SMOC2: variants seen among roughly 807,000 people sequenced by gnomAD.
The protein encoded by SMOC2 is SPARC-related modular calcium-binding protein 2.
Under a neutral mutation model 61.4 loss-of-function variants are expected in SMOC2, and 39 were observed. The observed-to-expected ratio is 0.64, with a 90% CI of 0.49 to 0.83. SMOC2 has a LOEUF of 0.83. Among genes scored for constraint, SMOC2 ranks in the 40% least tolerant of loss-of-function variants. The pLI is 0.00. For synonymous variants in SMOC2, 247 were observed against 239.9 expected, an observed-to-expected ratio of 1.03 and a Z score of -0.27; for missense variants, 556 against 592.9, an observed-to-expected ratio of 0.94 and a Z score of 0.65.
intron 4 of SMOC2, among the ~76,000 whole-genome samples, chr6:168,528,290 T>G (rs1583082889): frequency 7.4e-6 from 1 of 135,126 alleles, no homozygotes; most frequent in Non-Finnish European, 1.6e-5. Context: ...TTGCCAATAG[T>G]GCTGTAAATG....
chr6:168,484,296 T>A (rs541023693), intron 1 of SMOC2, among the ~76,000 whole-genome samples: 7,346 of 151,864 alleles, frequency 0.048, 229 homozygotes, highest in South Asian at 0.16. Flanking sequence ...ACATTTTTTT[T>A]AAAAAAAAGA....
chr6:168,611,466 A>T (rs369113330), intron 9 of SMOC2, among the ~76,000 whole-genome samples: 4 of 100,680 alleles, frequency 4.0e-5, no homozygotes, highest in Admixed American at 1.0e-4. Context: ...CTGGCCCTGC[A>T]CTGGTTCTCA....
intron 9 of SMOC2, among the ~76,000 whole-genome samples, chr6:168,625,798 C>T (rs1330936819): frequency 6.6e-6 from 1 of 152,200 alleles, no homozygotes; most frequent in Non-Finnish European, 1.5e-5. Context: ...GCAGGGCAGC[C>T]GCTCCAGCTC....
intron 7 of SMOC2, among the ~76,000 whole-genome samples, chr6:168,576,376 C>T (rs1401529220): frequency 6.6e-6 from 1 of 152,096 alleles, no homozygotes. Flanking sequence ...TTGCACTAAG[C>T]ACGTTGTGAT....
chr6:168,510,367 CA>C (rs1782977953), intron 2 of SMOC2, among the ~76,000 whole-genome samples: 1 of 152,134 alleles, frequency 6.6e-6, no homozygotes, highest in African/African-American at 2.4e-5. Flanking sequence ...AAATTATTCT[CA>C]ATAAGATTTC....
chr6:168,647,519 C>T (rs145589460), intron 9 of SMOC2, among the ~76,000 whole-genome samples: 5 of 152,308 alleles, frequency 3.3e-5, no homozygotes, highest in South Asian at 2.1e-4. Context: ...CAGCCATCAC[C>T]GTGCCGGACA....
At chr6:168,549,975 C>T (rs1784092983) in intron 7 of SMOC2, among the ~76,000 whole-genome samples, 1 of 152,162 alleles carries the variant, frequency 6.6e-6, no homozygotes, top group African/African-American at 2.4e-5. Flanking sequence ...TTTGAGAGAA[C>T]TTTCACCTTT....
chr6:168,465,747 G>A (rs1781816241), intron 1 of SMOC2, among the ~76,000 whole-genome samples: 2 of 149,666 alleles, frequency 1.3e-5, no homozygotes, highest in African/African-American at 4.9e-5. Flanking sequence ...CTGGAACTGG[G>A]GGGCTCTGGA....
chr6:168,499,467 G>A (rs917394331), intron 1 of SMOC2, among the ~76,000 whole-genome samples: 2 of 152,198 alleles, frequency 1.3e-5, no homozygotes, highest in African/African-American at 4.8e-5. Flanking sequence ...TTTGTGCGTT[G>A]CAGCCCAGAG....
At position 168,520,416 on chromosome 6, in the gene SMOC2, C is replaced by T. The variant is rs899829177; in HGVS notation, c.257-5930C>T. On this transcript the variant is annotated intron_variant, in intron 2 of 12. Coordinates refer to ENST00000356284, the MANE Select transcript of SMOC2 (RefSeq NM_001166412.2). ...GTCCTCTGCCTGGCTGCCATTTGCT[C>T]GTTCAGCCCGTGGCATTCCCACACC... Among the ~76,000 whole-genome samples the T allele has an allele frequency of 4.6e-5, 7 of 152,194 alleles. No homozygotes were observed. The South Asian group carries it at 1.0e-3, about 23-fold the overall frequency.
chr6:168,452,080 T>G lies in SMOC2; in HGVS notation c.84+10626T>G, dbSNP rs1290069639. Among the ~76,000 whole-genome samples, 1 of 152,122 alleles carries G rather than the reference T, an allele frequency of 6.6e-6. No homozygotes were observed. Among genetic ancestry groups the G allele is most frequent in the Non-Finnish European group, 1.5e-5 (1 of 68,020 alleles). On this transcript the variant is annotated intron_variant, in intron 1 of 12. Transcript: ENST00000356284. This position sits in a 1 kb window ranked among gnomAD's most constrained non-coding sequence, Gnocchi z 5.0. ...TTTAGGGGAGGGTCGCATGGTGGGG[T>G]CTGGGGTTACCACCACCAGCAAAGT...
chr6:168,444,969 T>G lies in SMOC2; in HGVS notation c.84+3515T>G, dbSNP rs143655120. Among the ~76,000 whole-genome samples, 521 of 152,318 alleles carry G rather than the reference T, an allele frequency of 3.4e-3. 6 individuals carry two copies. Among genetic ancestry groups the G allele is most frequent in the Middle Eastern group, 0.01 (3 of 294 alleles). On this transcript the variant is annotated intron_variant, in intron 1 of 12. Coordinates refer to ENST00000356284, the MANE Select transcript of SMOC2 (RefSeq NM_001166412.2). Reference sequence around the variant, plus strand: ...TGACTAAATCATATTTTGCTCACACTTAGAATGTTGAAGTCACATTACCAT... The same window carrying G: ...TGACTAAATCATATTTTGCTCACACGTAGAATGTTGAAGTCACATTACCAT...
At chr6:168,652,808 G>A (rs571273200) in intron 10 of SMOC2, 146 bp from the exon 11 acceptor site, 360 of 642,736 alleles carry the variant, frequency 5.6e-4, no homozygotes, top group Middle Eastern at 1.7e-3. Flanking sequence ...TCTTTAAATT[G>A]TTATATCTGA....
intron 1 of SMOC2, among the ~76,000 whole-genome samples, chr6:168,455,112 A>G (rs905932960): frequency 6.6e-6 from 1 of 152,042 alleles, no homozygotes. Context: ...ACGGGCTGCC[A>G]TGAAGGGCCT....
At chr6:168,583,156 A>G (rs907147956) in intron 7 of SMOC2, among the ~76,000 whole-genome samples, 8 of 152,256 alleles carry the variant, frequency 5.3e-5, no homozygotes, top group Non-Finnish European at 7.3e-5. Flanking sequence ...TTCAAAAAAT[A>G]CAGGTGGAAG....
intron 9 of SMOC2, among the ~76,000 whole-genome samples, chr6:168,624,012 G>A (rs569998870): frequency 5.3e-5 from 8 of 152,296 alleles, no homozygotes; most frequent in East Asian, 1.9e-4. Context: ...GCTCAGGGGC[G>A]CTCACCCGAG....
chr6:168,487,139 G>T (rs970351240), intron 1 of SMOC2, among the ~76,000 whole-genome samples: 8 of 152,176 alleles, frequency 5.3e-5, no homozygotes, highest in African/African-American at 1.9e-4. Flanking sequence ...TCTTGTTGCT[G>T]GTTGCTCGGA....
intron 9 of SMOC2, among the ~76,000 whole-genome samples, chr6:168,616,505 G>A (rs900572572): frequency 3.3e-5 from 5 of 152,204 alleles, no homozygotes; most frequent in African/African-American, 1.2e-4. Context: ...AGCCTCATGG[G>A]TAGGGCTGGG....
At chr6:168,632,945 A>G (rs1786606746) in intron 9 of SMOC2, among the ~76,000 whole-genome samples, 1 of 152,198 alleles carries the variant, frequency 6.6e-6, no homozygotes, top group Admixed American at 6.5e-5. Flanking sequence ...TCAGGTCTGC[A>G]GGTGCAGAGC....
Sources: gnomAD v4.1 joint callset for allele counts (sites outside exome capture counted in the v4.1 genomes callset) on GRCh38, gnomAD v4.1.1 for gene constraint, Gnocchi (gnomAD v3.1) non-coding constraint, MANE v1.5 for transcripts, NCBI Gene and HGNC (gene_info 2026-07-23, HGNC 2026-07-21) for gene names.